C13orf42: variants seen among roughly 807,000 people sequenced by gnomAD.
The protein encoded by C13orf42 is uncharacterized protein C13orf42.
intron 1 of C13orf42, among the ~76,000 whole-genome samples, chr13:51,092,212 T>C (rs926815567): frequency 3.3e-5 from 5 of 152,208 alleles, no homozygotes; most frequent in African/African-American, 1.2e-4. Context: ...TGTTCCTTTA[T>C]CATATAAACC....
At chr13:51,111,765 C>T (rs1953437174), upstream of C13orf42, among the ~76,000 whole-genome samples, 1 of 152,152 alleles carries the variant, frequency 6.6e-6, no homozygotes, top group Non-Finnish European at 1.5e-5. Flanking sequence ...AGGGTAAAAT[C>T]TAGTCCCCCG....
At chr13:51,109,255 G>A (rs1187654168) in intron 1 of C13orf42, among the ~76,000 whole-genome samples, 2 of 152,144 alleles carry the variant, frequency 1.3e-5, no homozygotes, top group Non-Finnish European at 2.9e-5. Context: ...AAACCAATTG[G>A]GTTAGGCCAA....
intron 1 of C13orf42, among the ~76,000 whole-genome samples, chr13:51,137,877 G>C (rs958710121): frequency 3.9e-5 from 6 of 152,160 alleles, no homozygotes; most frequent in Non-Finnish European, 8.8e-5. Context: ...CAATGCACAG[G>C]GTTTGGTTTT....
chr13:51,101,832 A>C (rs1384889133), intron 1 of C13orf42, among the ~76,000 whole-genome samples: 1 of 152,230 alleles, frequency 6.6e-6, no homozygotes, highest in Non-Finnish European at 1.5e-5. Context: ...ATGTGAGAAA[A>C]GGCTTCCCAG....
intron 1 of C13orf42, among the ~76,000 whole-genome samples, chr13:51,169,964 G>A (rs1050089534): frequency 6.6e-6 from 1 of 152,158 alleles, no homozygotes; most frequent in Non-Finnish European, 1.5e-5. Flanking sequence ...CAAAAGAAGT[G>A]AATATGCCTT....
At position 51,111,077 on chromosome 13, in the gene C13orf42, G is replaced by A; in HGVS notation, c.133C>T (p.His45Tyr). The A allele has an allele frequency of 2.5e-6, 1 of 398,624 alleles. No individual in the cohort carries two copies. The highest frequency in any genetic ancestry group is 4.4e-6 in the Non-Finnish European group (1 of 226,086). 24.7% of individuals were successfully genotyped at this position (398,624 alleles called of 1,614,324 possible). ...AAGGACTCGCTGAATTTCTCCCCGT[G>A]GTCCCCGACCACATACATGGAACTG... The part of the protein sequence containing the change: ...RSSSMYVVGD[H>Y]GEKFSESLKK... Residue 45 changes from histidine to tyrosine, a missense_variant, in exon 1 of 4, where the codon CAC becomes TAC. His to Tyr is a moderately conservative substitution (Grantham distance 83). Coordinates refer to ENST00000563710, the MANE Select transcript of C13orf42 (RefSeq NM_001351589.3).
intron 1 of C13orf42, among the ~76,000 whole-genome samples, chr13:51,149,706 G>A (rs1953765250): frequency 6.6e-6 from 1 of 152,138 alleles, no homozygotes; most frequent in African/African-American, 2.4e-5. Flanking sequence ...TTTTTCCAGT[G>A]CAAACTCATT....
At chr13:51,158,245 A>C (rs922709804) in intron 1 of C13orf42, among the ~76,000 whole-genome samples, 2 of 152,192 alleles carry the variant, frequency 1.3e-5, no homozygotes, top group African/African-American at 2.4e-5. Flanking sequence ...CCACTATGCT[A>C]TGCATGGATG....
chr13:51,171,567 A>AGGTCCC (rs1953952478), intron 1 of C13orf42, among the ~76,000 whole-genome samples: 1 of 151,532 alleles, frequency 6.6e-6, no homozygotes, highest in African/African-American at 2.4e-5. Context: ...AGGCCGAGCT[A>AGGTCCC]GGTCCCAATT....
chr13:51,119,284 C>G (rs1234181705), intron 1 of C13orf42, among the ~76,000 whole-genome samples: 1 of 152,082 alleles, frequency 6.6e-6, no homozygotes, highest in African/African-American at 2.4e-5. Flanking sequence ...CAGTCAATAA[C>G]ACCTGGGTGC....
chr13:51,109,358 G>A (rs937302999), intron 1 of C13orf42, among the ~76,000 whole-genome samples: 9 of 152,148 alleles, frequency 5.9e-5, no homozygotes, highest in African/African-American at 1.7e-4. Context: ...GCAAGGAAGC[G>A]GGAGACAGGC....
upstream of C13orf42, among the ~76,000 whole-genome samples, chr13:51,112,620 G>A (rs1308712602): frequency 6.6e-6 from 1 of 152,148 alleles, no homozygotes; most frequent in Non-Finnish European, 1.5e-5. Context: ...GCATGCTTTA[G>A]GGATGATAAA....
At chr13:51,085,768 G>A (rs1386909214) in intron 2 of C13orf42, among the ~76,000 whole-genome samples, 1 of 152,258 alleles carries the variant, frequency 6.6e-6, no homozygotes, top group Non-Finnish European at 1.5e-5. Flanking sequence ...TGGGGACATA[G>A]GCCAGGTGCG....
upstream of C13orf42, among the ~76,000 whole-genome samples, chr13:51,115,657 AG>A (rs1953483533): frequency 2.0e-5 from 3 of 152,314 alleles, no homozygotes; most frequent in African/African-American, 7.2e-5. Context: ...TCCAAGAGGC[AG>A]GGAGGTGGGG....
At chr13:51,139,132 C>T (rs1953678938) in intron 1 of C13orf42, among the ~76,000 whole-genome samples, 2 of 152,052 alleles carry the variant, frequency 1.3e-5, no homozygotes, top group African/African-American at 4.8e-5. Flanking sequence ...GTCTGACCAG[C>T]ATGGTGAAAC....
At chr13:51,099,530 A>G (rs1208208428) in intron 1 of C13orf42, among the ~76,000 whole-genome samples, 1 of 152,212 alleles carries the variant, frequency 6.6e-6, no homozygotes, top group East Asian at 1.9e-4. Flanking sequence ...ATATTAAAAT[A>G]GTTTTGGGAG....
chr13:51,168,703 C>T (rs1441249999), intron 1 of C13orf42, among the ~76,000 whole-genome samples: 1 of 152,192 alleles, frequency 6.6e-6, no homozygotes, highest in Non-Finnish European at 1.5e-5. Context: ...GAATGTCTGT[C>T]CCCACCCAAA....
chr13:51,105,798 A>T (rs781555141), intron 1 of C13orf42, among the ~76,000 whole-genome samples: 1 of 152,148 alleles, frequency 6.6e-6, no homozygotes, highest in Non-Finnish European at 1.5e-5. Context: ...CTTGTATGTT[A>T]TACAAGATCA....
chr13:51,141,095 G>A (rs1036280586), intron 1 of C13orf42, among the ~76,000 whole-genome samples: 43 of 128,550 alleles, frequency 3.3e-4, no homozygotes, highest in African/African-American at 1.3e-3. Flanking sequence ...ATCGAAGGGA[G>A]GTGTGTGTGT....
Sources: gnomAD v4.1 joint callset for allele counts (sites outside exome capture counted in the v4.1 genomes callset) on GRCh38, gnomAD v4.1.1 for gene constraint, MANE v1.5 for transcripts, NCBI Gene and HGNC (gene_info 2026-07-23, HGNC 2026-07-21) for gene names.